GOSR2: variants seen among roughly 807,000 people sequenced by gnomAD.
GOSR2 encodes golgi SNAP receptor complex member 2.
In GOSR2, 20 loss-of-function variants were observed where a neutral mutation model predicts 27.9. The ratio of observed to expected loss-of-function variants is 0.72; its 90% CI spans 0.50 to 1.04. The LOEUF (loss-of-function observed/expected upper bound fraction) is 1.04. Ranked by LOEUF, GOSR2 falls within the 50% of genes least tolerant of loss-of-function variation. The pLI is 0.00. For missense variants in GOSR2, 261 were observed against 270.5 expected (o/e 0.97, Z 0.25); for synonymous variants, 91 against 98.8 (o/e 0.92, Z 0.47).
intron 6 of GOSR2, among the ~76,000 whole-genome samples, chr17:46,954,153 G>T (rs1480421585): frequency 6.6e-6 from 1 of 152,174 alleles, no homozygotes; most frequent in Non-Finnish European, 1.5e-5. Flanking sequence ...TTCTTCTAGG[G>T]TTTTTATGGT....
intron 6 of GOSR2, among the ~76,000 whole-genome samples, chr17:46,956,667 A>C (rs1364795622): frequency 2.0e-5 from 3 of 152,126 alleles, no homozygotes; most frequent in African/African-American, 7.2e-5. Context: ...CTTCGTTAGG[A>C]AGCTTGTCAA....
chr17:46,945,740 C>T (rs1001806615), downstream of GOSR2, among the ~76,000 whole-genome samples: 3 of 152,150 alleles, frequency 2.0e-5, no homozygotes, highest in Admixed American at 2.0e-4. Context: ...GTGCCCCAGG[C>T]ATGTGCAGGG....
At chr17:46,923,338 G>A (rs2085981244) in intron 1 of GOSR2, 117 bp downstream of exon 1, 1 of 1,530,234 alleles carries the variant, frequency 6.5e-7, no homozygotes, top group Admixed American at 2.0e-5. Flanking sequence ...TTCCGCCAGG[G>A]CACTGCTGGG....
Position 46,938,795 on chromosome 17 carries a change from C to T in GOSR2, c.*35C>T, listed in dbSNP as rs376614852. The T allele has an allele frequency of 6.8e-6, 11 of 1,613,094 alleles. No homozygotes were observed. Among genetic ancestry groups the T allele is most frequent in the South Asian group, 2.2e-5 (2 of 91,004 alleles). ...GCTCAGTGGCTGAACAGCATTCCCA[C>T]AGCCTGCAAGTGTGTGTGTGTGTGA... On this transcript the variant is annotated 3_prime_UTR_variant, in exon 6 of 6. Transcript: ENST00000640051.
At chr17:46,951,579 A>G (rs922605539) in intron 6 of GOSR2, among the ~76,000 whole-genome samples, 1 of 152,178 alleles carries the variant, frequency 6.6e-6, no homozygotes, top group Non-Finnish European at 1.5e-5. Context: ...ACTTGTTCCC[A>G]GGGACTTTCT....
intron 2 of GOSR2, chr17:46,930,037 G>GT (rs71365014): frequency 0.62 from 89,813 of 144,442 alleles, 28,146 homozygotes; most frequent in Middle Eastern, 0.68. Flanking sequence ...CTGGTTTTTT[G>GT]TTTTTTTTCA....
downstream of GOSR2, among the ~76,000 whole-genome samples, chr17:46,970,088 G>A (rs577419304): frequency 6.6e-6 from 1 of 152,304 alleles, no homozygotes; most frequent in East Asian, 1.9e-4. Context: ...GAGTGGTGCT[G>A]GAGGATTAAG....
intron 6 of GOSR2, among the ~76,000 whole-genome samples, chr17:46,950,641 C>A (rs555742833): frequency 1.3e-5 from 2 of 152,260 alleles, no homozygotes; most frequent in Admixed American, 6.5e-5. Flanking sequence ...TGACCCCGAG[C>A]AGCAAGGGCT....
chr17:46,942,795 C>A (rs2089448426), downstream of GOSR2, among the ~76,000 whole-genome samples: 1 of 152,204 alleles, frequency 6.6e-6, no homozygotes, highest in African/African-American at 2.4e-5. Flanking sequence ...AGGAAAGTGT[C>A]ATTCCTTCCC....
intron 6 of GOSR2, among the ~76,000 whole-genome samples, chr17:46,972,585 C>G (rs2091403961): frequency 6.6e-6 from 1 of 152,228 alleles, no homozygotes; most frequent in Non-Finnish European, 1.5e-5. Context: ...TTGGCCTCTG[C>G]CCATCTGGCT....
intron 6 of GOSR2, among the ~76,000 whole-genome samples, chr17:46,954,583 G>A (rs2090586719): frequency 6.6e-6 from 1 of 152,180 alleles, no homozygotes; most frequent in African/African-American, 2.4e-5. Context: ...GTAGCTTGAT[G>A]GGGATGACAT....
intron 6 of GOSR2, among the ~76,000 whole-genome samples, chr17:46,966,073 G>A (rs2091306474): frequency 6.6e-6 from 1 of 152,004 alleles, no homozygotes; most frequent in Non-Finnish European, 1.5e-5. Context: ...CTTATAATAT[G>A]TCTAACGATG....
chr17:46,929,441 A>C (rs1049704837), intron 1 of GOSR2, 79 bp from the exon 2 acceptor site: 3 of 790,398 alleles, frequency 3.8e-6, no homozygotes, highest in Non-Finnish European at 6.9e-6. Flanking sequence ...ACATGTTGGC[A>C]TCAGAAAAAT....
At chr17:46,931,016 G>GA (rs1005513618) in intron 2 of GOSR2, 83 bp from the exon 3 acceptor site, 302 of 799,484 alleles carry the variant, frequency 3.8e-4, no homozygotes, top group Middle Eastern at 3.1e-3. Flanking sequence ...ATTGGATATT[G>GA]AAAAAAAAAT....
At chr17:46,971,073 C>G (rs564494586), downstream of GOSR2, among the ~76,000 whole-genome samples, 4 of 151,970 alleles carry the variant, frequency 2.6e-5, no homozygotes, top group African/African-American at 9.7e-5. Flanking sequence ...AAACATAGGC[C>G]GGTGCGGTGG....
At chr17:46,929,648 T>G in intron 2 of GOSR2, 64 bp downstream of exon 2, 1 of 832,692 alleles carries the variant, frequency 1.2e-6, no homozygotes, top group Non-Finnish European at 2.1e-6. Context: ...TGGGCTGGGC[T>G]TCCTGACTGC....
At position 46,939,911 on chromosome 17, in the gene GOSR2, G is replaced by A. The variant is rs185023068; in HGVS notation, c.*1151G>A. 1.5e-4 allele frequency: 153 copies of A among 998,824 alleles called. No homozygotes were observed. In the African/African-American group the frequency reaches 2.6e-3, roughly 17 times the overall value. 61.9% of individuals were successfully genotyped at this position (998,824 alleles called of 1,614,324 possible). On this transcript the variant is annotated 3_prime_UTR_variant, in exon 6 of 6. Coordinates refer to ENST00000640051, the MANE Select transcript of GOSR2 (RefSeq NM_004287.5). ...AAAGTCTCAGAAAGACCTGGTTAGT[G>A]TATGTTCTCATTTACCACAGGCCTA...
intron 6 of GOSR2, chr17:46,973,109 G>A (rs916111540): frequency 6.5e-6 from 1 of 152,900 alleles, no homozygotes; most frequent in Non-Finnish European, 1.5e-5. Flanking sequence ...TTAATTAAAT[G>A]TGTGTGCATG....
At chr17:46,965,475 C>A (rs1341128194) in intron 6 of GOSR2, among the ~76,000 whole-genome samples, 2 of 152,320 alleles carry the variant, frequency 1.3e-5, no homozygotes, top group East Asian at 3.9e-4. Context: ...GAGCAGTTCC[C>A]AGCTTTTGTG....
Sources: allele counts gnomAD v4.1 joint callset (sites outside exome capture counted in the v4.1 genomes callset), GRCh38; gene constraint gnomAD v4.1.1; transcripts MANE v1.5; gene names NCBI Gene and HGNC (gene_info 2026-07-23, HGNC 2026-07-21).